Variants in TMEM260 observed in about 807,000 individuals in gnomAD.
The protein encoded by TMEM260 is protein O-mannosyl-transferase TMEM260.
Under a neutral mutation model 88.9 loss-of-function variants are expected in TMEM260, and 82 were observed. The ratio of observed to expected loss-of-function variants is 0.92; its 90% confidence interval spans 0.77 to 1.11. The LOEUF is 1.11. Among genes scored for constraint, TMEM260 ranks in the 50% least tolerant of loss-of-function variants. The pLI is 0.00. For synonymous variants in TMEM260, 314 were observed against 309.3 expected (o/e 1.02, Z -0.16); for missense variants, 902 against 853.4 (o/e 1.06, Z -0.71).
At chr14:56,640,809 G>C (rs919113791) in intron 15 of TMEM260, among the ~76,000 whole-genome samples, 3 of 151,792 alleles carry the variant, frequency 2.0e-5, no homozygotes, top group Admixed American at 6.6e-5. Context: ...TAAAGGACCT[G>C]ATGGAGCTGA....
chr14:56,594,320 C>A (rs184069355), intron 3 of TMEM260, among the ~76,000 whole-genome samples: 130 of 152,294 alleles, frequency 8.5e-4, no homozygotes, highest in African/African-American at 2.9e-3. Flanking sequence ...TTCACAACCT[C>A]ATTTGAATTT....
intron 11 of TMEM260, among the ~76,000 whole-genome samples, chr14:56,622,641 T>C (rs1197440916): frequency 1.3e-5 from 2 of 152,230 alleles, no homozygotes; most frequent in East Asian, 1.9e-4. Flanking sequence ...CTAAGATTTA[T>C]TATTTAAGCC....
chr14:56,650,156 T>C (rs939607546), downstream of TMEM260: 11 of 446,378 alleles, frequency 2.5e-5, no homozygotes, highest in Non-Finnish European at 4.5e-5. Context: ...AGGTGACTTC[T>C]CATGCAAGAT....
intron 11 of TMEM260, among the ~76,000 whole-genome samples, chr14:56,623,118 CCTTA>C (rs1440365133): frequency 2.6e-5 from 4 of 152,088 alleles, no homozygotes; most frequent in African/African-American, 9.7e-5. Flanking sequence ...GCTTCTGTTC[CCTTA>C]TTTATGAAAT....
At chr14:56,631,413 A>T (rs1173493754) in intron 12 of TMEM260, among the ~76,000 whole-genome samples, 5 of 152,170 alleles carry the variant, frequency 3.3e-5, no homozygotes, top group Admixed American at 3.3e-4. Flanking sequence ...ACCTGAGGTC[A>T]GAAGTTCAAG....
chr14:56,652,839 A>G (rs956304796), downstream of TMEM260, among the ~76,000 whole-genome samples: 5 of 152,166 alleles, frequency 3.3e-5, no homozygotes, highest in Non-Finnish European at 7.3e-5. Context: ...TCTTTCAGTG[A>G]TTAGAATTTT....
rs1006923243 is a variant in TMEM260 at position 56,579,821 on chromosome 14, C to G, written c.-94C>G. The G allele has an allele frequency of 8.6e-6, 10 of 1,166,226 alleles. No individual in the cohort carries two copies. Among genetic ancestry groups the G allele is most frequent in the African/African-American group, 1.6e-5 (1 of 62,826 alleles). The allele number at this position is 1,166,226 out of a possible 1,614,324, so 72.2% of individuals were successfully genotyped here. On this transcript the variant is annotated 5_prime_UTR_variant, in exon 1 of 16. Coordinates refer to ENST00000261556, the MANE Select transcript of TMEM260 (RefSeq NM_017799.4). ...TCGACCCGGAAGCCGCCGTGGCCGC[C>G]GCACAAGCTGCGCTCGTCTCTCGGC...
chr14:56,654,264 C>T (rs954471184), downstream of TMEM260, among the ~76,000 whole-genome samples: 3 of 152,096 alleles, frequency 2.0e-5, no homozygotes, highest in Admixed American at 6.6e-5. Flanking sequence ...AGAAAAAAGT[C>T]ACTTTGAAAT....
Position 56,633,360 on chromosome 14 carries a change from C to T in TMEM260, c.1724+189C>T, listed in dbSNP as rs555876535. On this transcript the variant is annotated intron_variant, in intron 13 of 15. Coordinates refer to ENST00000261556, the MANE Select transcript of TMEM260 (RefSeq NM_017799.4). ...CCTTCTCGTTCTCCTACTTACAGAA[C>T]AATGGGGAGAGAGGAGGGAAGAGGG... 15 of 477,168 alleles carry T rather than the reference C, an allele frequency of 3.1e-5. No individual in the cohort carries two copies. The East Asian group carries it at 5.6e-4, about 18-fold the overall frequency. The allele number at this position is 477,168 out of a possible 1,614,324, so 29.6% of individuals were successfully genotyped here.
chr14:56,579,945 G>T lies in TMEM260; in HGVS notation c.31G>T (p.Ala11Ser). 1 of 1,237,650 alleles carries T rather than the reference G, an allele frequency of 8.1e-7. No homozygotes were observed. Among genetic ancestry groups the T allele is most frequent in the Non-Finnish European group, 1.0e-6 (1 of 988,382 alleles). The allele number at this position is 1,237,650 out of a possible 1,614,324, so 76.7% of individuals were successfully genotyped here. The change falls in exon 1 of 16, where the codon GCC (alanine) becomes TCC (serine). Residue 11 changes from alanine (A) to serine (S), a missense_variant. Ala to Ser is a moderately conservative substitution (Grantham distance 99, BLOSUM62 1). Coordinates refer to ENST00000261556, the MANE Select transcript of TMEM260 (RefSeq NM_017799.4). MSPHGDGRGQ[A>S]QGRAVRVGLR... ...TCCCCATGGCGACGGCAGGGGCCAGGCCCAGGGGCGGGCAGTCCGAGTGGG... is the reference window on the plus strand; with the variant it reads ...TCCCCATGGCGACGGCAGGGGCCAGTCCCAGGGGCGGGCAGTCCGAGTGGG...
chr14:56,618,542 T>G (rs117677460), intron 9 of TMEM260, 52 bp from the exon 10 acceptor site: 1 of 1,544,346 alleles, frequency 6.5e-7, no homozygotes, highest in East Asian at 2.3e-5. Flanking sequence ...AGGAGCTGAT[T>G]GATAGCATTA....
intron 15 of TMEM260, among the ~76,000 whole-genome samples, chr14:56,644,891 A>G (rs1414384781): frequency 6.6e-6 from 1 of 152,250 alleles, no homozygotes; most frequent in Non-Finnish European, 1.5e-5. Flanking sequence ...ACACATGAAA[A>G]GATGCTCATC....
intron 6 of TMEM260, 143 bp from the exon 7 acceptor site, chr14:56,612,102 C>T: frequency 1.4e-6 from 1 of 738,160 alleles, no homozygotes; most frequent in Non-Finnish European, 2.3e-6. Context: ...ACCTGTGTAA[C>T]AAACCTGTAG....
intron 5 of TMEM260, among the ~76,000 whole-genome samples, chr14:56,608,487 T>C (rs1306007820): frequency 6.6e-6 from 1 of 152,232 alleles, no homozygotes; most frequent in Non-Finnish European, 1.5e-5. Context: ...ATAAGGTGTA[T>C]GAAGCAGCAT....
At chr14:56,652,518 AAACTC>A (rs1317019857), downstream of TMEM260, among the ~76,000 whole-genome samples, 1 of 151,906 alleles carries the variant, frequency 6.6e-6, no homozygotes, top group African/African-American at 2.4e-5. Flanking sequence ...ATTATTATAA[AAACTC>A]AAGAGCTTTT....
At chr14:56,604,874 C>T (rs1249753935) in intron 4 of TMEM260, among the ~76,000 whole-genome samples, 1 of 152,064 alleles carries the variant, frequency 6.6e-6, no homozygotes, top group Non-Finnish European at 1.5e-5. Context: ...GAAGCATCAG[C>T]GGTAAAGGGA....
intron 1 of TMEM260, among the ~76,000 whole-genome samples, chr14:56,581,831 C>T (rs1467582226): frequency 1.3e-5 from 2 of 152,178 alleles, no homozygotes; most frequent in African/African-American, 4.8e-5. Context: ...CTCTACTTTT[C>T]GTCAAAACAT....
chr14:56,653,126 T>G (rs542202752), downstream of TMEM260, among the ~76,000 whole-genome samples: 62 of 152,102 alleles, frequency 4.1e-4, no homozygotes, highest in Middle Eastern at 3.4e-3. Context: ...AAACCCCGTC[T>G]CTACTAAAAA....
chr14:56,635,769 T>C (rs1889002319), intron 14 of TMEM260, among the ~76,000 whole-genome samples: 1 of 152,184 alleles, frequency 6.6e-6, no homozygotes, highest in Non-Finnish European at 1.5e-5. Context: ...ACAGTTATGA[T>C]ATAAAGAGCT....
Sources: gnomAD v4.1 joint callset for allele counts (sites outside exome capture counted in the v4.1 genomes callset) on GRCh38, gnomAD v4.1.1 for gene constraint, MANE v1.5 for transcripts, NCBI Gene and HGNC (gene_info 2026-07-23, HGNC 2026-07-21) for gene names.